The following DDO variants were observed in gnomAD, a reference collection of about 807,000 sequenced individuals.
DDO encodes D-aspartate oxidase, DDO.
Under a neutral mutation model 16.8 loss-of-function variants are expected in DDO, and 16 were observed. That is an observed-to-expected ratio of 0.95 (90% CI 0.65 to 1.45). The LOEUF is 1.45. Ranked by LOEUF, DDO falls within the 40% of genes most tolerant of loss-of-function variation. The pLI, the probability that DDO is intolerant of heterozygous loss-of-function variation, is 0.00. For missense variants in DDO, 429 were observed against 420.3 expected (o/e 1.02, Z -0.18); for synonymous variants, 180 against 167.2 (o/e 1.08, Z -0.59).
chr6:110,407,921 G>T (rs1454972349), intron 3 of DDO, among the ~76,000 whole-genome samples: 1 of 152,074 alleles, frequency 6.6e-6, no homozygotes, highest in East Asian at 1.9e-4. Flanking sequence ...ATTCTCCAAG[G>T]ACACCGAATA....
chr6:110,395,905 T>C (rs1773274560), intron 4 of DDO, among the ~76,000 whole-genome samples: 1 of 152,080 alleles, frequency 6.6e-6, no homozygotes, highest in African/African-American at 2.4e-5. Flanking sequence ...TGGTGGTGCA[T>C]GCCTATAATT....
intron 2 of DDO, among the ~76,000 whole-genome samples, chr6:110,409,167 G>C (rs1312985050): frequency 1.3e-5 from 2 of 152,228 alleles, no homozygotes; most frequent in Non-Finnish European, 2.9e-5. Context: ...GTTGGACCCA[G>C]ACACAACTTT....
chr6:110,407,344 A>C (rs118097418), intron 3 of DDO, among the ~76,000 whole-genome samples: 1 of 152,196 alleles, frequency 6.6e-6, no homozygotes, highest in Non-Finnish European at 1.5e-5. Flanking sequence ...CCATAGATTG[A>C]TAGGAAAGCA....
At position 110,415,517 on chromosome 6, in the gene DDO, C is replaced by A. The variant is rs1473610436; in HGVS notation, c.-55G>T. The A allele has an allele frequency of 2.5e-6, 4 of 1,614,226 alleles. No homozygotes were observed. Among genetic ancestry groups the A allele is most frequent in the East Asian group, 4.5e-5 (2 of 44,886 alleles). On this transcript the variant is annotated 5_prime_UTR_variant, in exon 1 of 5. Coordinates refer to ENST00000368924, the MANE Select transcript of DDO (RefSeq NM_001372108.2). ...AGCCACCAAAATCTCTGGCACCAAA[C>A]CTTGTTTCCCAGTGCCTGGCTGGTC...
Position 110,395,804 on chromosome 6 carries a change from G to T in DDO, c.459-2462C>A, listed in dbSNP as rs552792661. 1.4e-4 allele frequency among the ~76,000 whole-genome samples: 21 copies of T among 152,292 alleles called. No homozygotes were observed. The South Asian group carries it at 4.4e-3, about 32-fold the overall frequency. On this transcript the variant is annotated intron_variant, in intron 4 of 4. Coordinates refer to ENST00000368924, the MANE Select transcript of DDO (RefSeq NM_001372108.2). ...TTCTAACTTTCCGCCCCACTTCCTGGTTGGAAAGTTTAACTGCAACTTGTG... is the reference window on the plus strand; with the variant it reads ...TTCTAACTTTCCGCCCCACTTCCTGTTTGGAAAGTTTAACTGCAACTTGTG...
intron 4 of DDO, among the ~76,000 whole-genome samples, chr6:110,401,761 C>T (rs985661570): frequency 2.6e-5 from 4 of 152,116 alleles, no homozygotes; most frequent in African/African-American, 7.2e-5. Context: ...TGCTAAAACT[C>T]GTAGGTGAAA....
chr6:110,405,230 G>A (rs146381499), intron 3 of DDO, among the ~76,000 whole-genome samples: 16 of 152,196 alleles, frequency 1.1e-4, no homozygotes, highest in Non-Finnish European at 8.8e-5. Context: ...TAGAGCCAGC[G>A]TCTTACTATG....
downstream of DDO, among the ~76,000 whole-genome samples, chr6:110,390,176 G>A (rs745526450): frequency 1.4e-4 from 21 of 152,306 alleles, no homozygotes; most frequent in Non-Finnish European, 1.9e-4. Flanking sequence ...CCAAGATGGC[G>A]AGGAAGGAAG....
chr6:110,402,202 T>A (rs1773506196), intron 4 of DDO, among the ~76,000 whole-genome samples: 1 of 152,022 alleles, frequency 6.6e-6, no homozygotes, highest in South Asian at 2.1e-4. Context: ...CTGGAAAAAA[T>A]TATGTGTTGT....
At position 110,393,263 on chromosome 6, in the gene DDO, C is replaced by T; in HGVS notation, c.538G>A (p.Val180Ile). Residue 180 changes from valine (V) to isoleucine (I), a missense_variant, in exon 5 of 5, where the codon GTC becomes ATC. Transcript: ENST00000368924. ...WELHPSFDIV[V>I]NCSGLGSRQL... The stretch of plus-strand genomic sequence containing the variant: ...CTGCTTCCAAGGCCTGAACAGTTGA[C>T]CACGATGTCAAAGGACGGATGAAGT... 6.2e-7 allele frequency: 1 copy of T among 1,614,032 alleles called. No homozygotes were observed. Among genetic ancestry groups the T allele is most frequent in the Non-Finnish European group, 8.5e-7 (1 of 1,179,924 alleles).
rs1367931533 is a variant in DDO at position 110,405,023 on chromosome 6, A to G, written c.282-73T>C. The G allele has an allele frequency of 4.4e-6, 6 of 1,372,280 alleles. No individual in the cohort carries two copies. In the East Asian group the frequency reaches 1.4e-4, roughly 32 times the overall value. 85.0% of individuals were successfully genotyped at this position (1,372,280 alleles called of 1,614,324 possible). ...ATATTTCTAGTAAACTTCACATGAC[A>G]TTCTCTAGAGCATTTATTTTATTTT... On this transcript the variant is annotated intron_variant, in intron 3 of 4. Transcript: ENST00000368924.
rs368677382 is a variant in DDO, at chr6:110,413,494, C to G, written c.-4-28G>C. On this transcript the variant is annotated intron_variant, in intron 1 of 4. Transcript: ENST00000368924. ...GTGAGGAGGGAAATGGGAGCTATAC[C>G]CCTTGTTTTAAGGATTTTCCCATCC... 2.3e-5 allele frequency: 37 copies of G among 1,598,084 alleles called. No individual in the cohort carries two copies. The African/African-American group carries it at 4.3e-4, about 19-fold the overall frequency.
At chr6:110,400,278 G>C (rs1303483399) in intron 4 of DDO, among the ~76,000 whole-genome samples, 1 of 151,066 alleles carries the variant, frequency 6.6e-6, no homozygotes, top group Non-Finnish European at 1.5e-5. Flanking sequence ...AATGACGGGG[G>C]CTGCCCGGAG....
In DDO at chr6:110,393,201, C is replaced by T. The variant is rs999052754; in HGVS notation, c.600G>A (p.Arg200=). Residue 200 remains arginine, a synonymous_variant, in exon 5 of 5, where the codon AGG becomes AGA. Coordinates refer to ENST00000368924, the MANE Select transcript of DDO (RefSeq NM_001372108.2). The part of the protein sequence containing the change: ...LAGDSKIFPV[R]GQVLQVQAPW... ...GAGCCTGAACTTGGAGGACTTGGCCCCTTACAGGGAAAATCTTTGAGTCTC... is the reference window on the plus strand; with the variant it reads ...GAGCCTGAACTTGGAGGACTTGGCCTCTTACAGGGAAAATCTTTGAGTCTC... 1.9e-6 allele frequency: 3 copies of T among 1,614,226 alleles called. No individual in the cohort carries two copies. The highest frequency in any genetic ancestry group is 8.5e-7 in the Non-Finnish European group (1 of 1,180,048).
intron 4 of DDO, among the ~76,000 whole-genome samples, chr6:110,394,394 A>T (rs1773222805): frequency 6.6e-6 from 1 of 152,218 alleles, no homozygotes; most frequent in South Asian, 2.1e-4. Flanking sequence ...GGCATGAGCC[A>T]CCGTGCCTGG....
At chr6:110,390,721 T>C (rs1773084634), downstream of DDO, among the ~76,000 whole-genome samples, 3 of 152,366 alleles carry the variant, frequency 2.0e-5, no homozygotes, top group Admixed American at 6.5e-5. Flanking sequence ...CTACCTATTC[T>C]GAACAGTGGC....
chr6:110,408,200 G>T, intron 3 of DDO, 134 bp downstream of exon 3: 1 of 724,426 alleles, frequency 1.4e-6, no homozygotes, highest in Non-Finnish European at 2.3e-6. Flanking sequence ...AGCCTATAAT[G>T]CTCTTTCCGA....
rs1399850662 is a variant in DDO, at chr6:110,408,392, G to C, written c.223C>G (p.Leu75Val). 1.2e-6 allele frequency: 2 copies of C among 1,614,170 alleles called. No homozygotes were observed. The highest frequency in any genetic ancestry group is 1.3e-5 in the African/African-American group (1 of 75,026). ...KQWFRETFNH[L>V]FAIANSAEAG... is the part of the protein sequence containing the mutation. ...TCTGCAGAATTGGCAATTGCAAAGA[G>C]GTGATTAAAGGTTTCTCTGAACCAC... is the stretch of plus-strand genomic sequence containing the variant. Residue 75 changes from leucine (L) to valine (V), a missense_variant, in exon 3 of 5, where the codon CTC (leucine) becomes GTC (valine). Coordinates refer to ENST00000368924, the MANE Select transcript of DDO (RefSeq NM_001372108.2).
intron 4 of DDO, among the ~76,000 whole-genome samples, chr6:110,394,421 A>C (rs1312151401): frequency 1.3e-5 from 2 of 152,116 alleles, no homozygotes; most frequent in African/African-American, 4.8e-5. Context: ...GAACTTTTTT[A>C]ATCTTGCAAA....
Sources: gnomAD v4.1 joint callset for allele counts (sites outside exome capture counted in the v4.1 genomes callset) on GRCh38, gnomAD v4.1.1 for gene constraint, MANE v1.5 for transcripts, NCBI Gene and HGNC (gene_info 2026-07-23, HGNC 2026-07-21) for gene names.